The following SYNPR variants were observed in gnomAD, a reference collection of about 807,000 sequenced individuals.
SYNPR encodes synaptoporin.
In SYNPR, 23 loss-of-function variants were observed where a neutral mutation model predicts 32.9. The ratio of observed to expected loss-of-function variants is 0.70; its 90% CI spans 0.50 to 0.99. SYNPR has a LOEUF of 0.99. Ranked by LOEUF, SYNPR falls within the 50% of genes least tolerant of loss-of-function variation. The pLI, the probability that SYNPR is intolerant of heterozygous loss-of-function variation, is 0.00. For missense variants in SYNPR, 318 were observed against 349.3 expected (o/e 0.91, Z 0.71); for synonymous variants, 146 against 135.9 (o/e 1.07, Z -0.52).
intron 2 of SYNPR, among the ~76,000 whole-genome samples, chr3:63,454,760 T>C (rs1003700835): frequency 6.6e-5 from 10 of 151,986 alleles, no homozygotes; most frequent in African/African-American, 2.4e-4. Flanking sequence ...CTGTGTGATG[T>C]GATGTGATGT....
intron 2 of SYNPR, among the ~76,000 whole-genome samples, chr3:63,424,365 T>G (rs1699855557): frequency 6.6e-6 from 1 of 152,204 alleles, no homozygotes; most frequent in African/African-American, 2.4e-5. Flanking sequence ...TAGGCCAGTC[T>G]ATATTGAAAT....
intron 2 of SYNPR, among the ~76,000 whole-genome samples, chr3:63,377,522 C>A (rs901584524): frequency 4.0e-5 from 6 of 151,814 alleles, no homozygotes; most frequent in Non-Finnish European, 7.4e-5. Context: ...TATGGAATCC[C>A]ATACTTTGAG....
intron 2 of SYNPR, among the ~76,000 whole-genome samples, chr3:63,369,662 T>G (rs545132283): frequency 2.0e-5 from 3 of 152,338 alleles, no homozygotes; most frequent in South Asian, 4.1e-4. Flanking sequence ...TTTGTGTTGT[T>G]GTCTCTTAAC....
intron 3 of SYNPR, among the ~76,000 whole-genome samples, chr3:63,509,960 G>C (rs977940772): frequency 7.8e-6 from 1 of 128,876 alleles, no homozygotes; most frequent in Non-Finnish European, 1.8e-5. Flanking sequence ...TTTCTTCTTT[G>C]CTTCCTTTTT....
intron 2 of SYNPR, among the ~76,000 whole-genome samples, chr3:63,406,361 A>C (rs1286227513): frequency 6.6e-6 from 1 of 152,190 alleles, no homozygotes; most frequent in Non-Finnish European, 1.5e-5. Flanking sequence ...ACACTTAAGC[A>C]TGGGCTAGGT....
chr3:63,401,422 C>G (rs1467771016), intron 2 of SYNPR, among the ~76,000 whole-genome samples: 1 of 152,162 alleles, frequency 6.6e-6, no homozygotes, highest in Non-Finnish European at 1.5e-5. Context: ...CCAAATAGAA[C>G]TGTATAAGGC....
chr3:63,494,701 T>G (rs895919977), intron 3 of SYNPR, among the ~76,000 whole-genome samples: 9 of 151,844 alleles, frequency 5.9e-5, no homozygotes, highest in African/African-American at 2.2e-4. Context: ...AAACTCCACT[T>G]GACAGGTGAG....
At chr3:63,563,651 AG>A (rs544201180) in intron 4 of SYNPR, among the ~76,000 whole-genome samples, 4 of 152,002 alleles carry the variant, frequency 2.6e-5, no homozygotes, top group Non-Finnish European at 5.9e-5. Context: ...TTATTTTAAT[AG>A]GTAATAAGTG....
At chr3:63,514,010 C>A (rs533923319) in intron 3 of SYNPR, among the ~76,000 whole-genome samples, 2 of 152,104 alleles carry the variant, frequency 1.3e-5, no homozygotes, top group East Asian at 3.9e-4. Context: ...ATGCTCACCA[C>A]CCCCACCACT....
At chr3:63,395,703 T>C (rs1302241357) in intron 2 of SYNPR, among the ~76,000 whole-genome samples, 2 of 152,232 alleles carry the variant, frequency 1.3e-5, no homozygotes, top group African/African-American at 4.8e-5. Context: ...GAATGTTTAA[T>C]ATATGCCAAG....
chr3:63,506,897 A>C (rs1433224805), intron 3 of SYNPR, among the ~76,000 whole-genome samples: 5 of 152,156 alleles, frequency 3.3e-5, no homozygotes, highest in African/African-American at 1.2e-4. Context: ...GTTGATACCA[A>C]ATAGACTGCA....
chr3:63,538,960 G>A (rs1238093839), intron 3 of SYNPR, among the ~76,000 whole-genome samples: 1 of 151,906 alleles, frequency 6.6e-6, no homozygotes, highest in East Asian at 1.9e-4. Context: ...TCATCCCTGG[G>A]AATGATAAAA....
intron 2 of SYNPR, among the ~76,000 whole-genome samples, chr3:63,439,028 CT>C (rs141453716): frequency 0.083 from 12,686 of 152,202 alleles, 917 homozygotes; most frequent in African/African-American, 0.19. Context: ...GAAAGGACCC[CT>C]TTTGAGAGGC....
chr3:63,447,657 T>C (rs771990339), intron 2 of SYNPR, among the ~76,000 whole-genome samples: 6 of 152,158 alleles, frequency 3.9e-5, no homozygotes, highest in Non-Finnish European at 4.4e-5. Context: ...TTTAAATGTT[T>C]AAAGATTCAG....
At chr3:63,310,275 T>A (rs1375740485) in intron 2 of SYNPR, among the ~76,000 whole-genome samples, 2 of 151,996 alleles carry the variant, frequency 1.3e-5, no homozygotes, top group Non-Finnish European at 2.9e-5. Flanking sequence ...TTATTGTTTT[T>A]ATGCAATTAA....
chr3:63,391,947 T>C (rs2088143477), intron 2 of SYNPR, among the ~76,000 whole-genome samples: 1 of 152,218 alleles, frequency 6.6e-6, no homozygotes, highest in Non-Finnish European at 1.5e-5. Flanking sequence ...TCTTTCTTAA[T>C]GACCAGATCC....
At chr3:63,613,037 A>G (rs1278648900) in intron 5 of SYNPR, among the ~76,000 whole-genome samples, 1 of 150,826 alleles carries the variant, frequency 6.6e-6, no homozygotes, top group Non-Finnish European at 1.5e-5. Context: ...CAGTGGTGCA[A>G]TCATAGCTCA....
chr3:63,392,199 A>C (rs1340468754), intron 2 of SYNPR, among the ~76,000 whole-genome samples: 1 of 152,224 alleles, frequency 6.6e-6, no homozygotes, highest in Non-Finnish European at 1.5e-5. Context: ...AATGTCATGC[A>C]TTAGTATACT....
chr3:63,443,739 C>T (rs1327489730), intron 2 of SYNPR, among the ~76,000 whole-genome samples: 1 of 152,168 alleles, frequency 6.6e-6, no homozygotes, highest in Non-Finnish European at 1.5e-5. Context: ...TTTAAGCAAA[C>T]TTATATTTGC....
Sources: allele counts gnomAD v4.1 joint callset (sites outside exome capture counted in the v4.1 genomes callset), GRCh38; gene constraint gnomAD v4.1.1; transcripts MANE v1.5; gene names NCBI Gene and HGNC (gene_info 2026-07-23, HGNC 2026-07-21).